Variants in ADCY2 observed in about 807,000 individuals in gnomAD.
The protein encoded by ADCY2 is adenylate cyclase type 2.
A neutral mutation model predicts 125.2 loss-of-function variants in ADCY2; 31 were observed. That is an observed-to-expected ratio of 0.25 (90% CI 0.19 to 0.33). ADCY2 has a LOEUF of 0.33. Among genes scored for constraint, ADCY2 ranks in the 10% least tolerant of loss-of-function variants. The pLI is 1.00. For synonymous variants in ADCY2, 512 were observed against 548.4 expected (o/e 0.93, Z 0.93); for missense variants, 904 against 1,418.2 (o/e 0.64, Z 5.82).
chr5:7,486,423 T>G (rs1742930167), intron 2 of ADCY2, among the ~76,000 whole-genome samples: 1 of 152,234 alleles, frequency 6.6e-6, no homozygotes, highest in African/African-American at 2.4e-5. Context: ...TTCTCCAAGT[T>G]ATTTTTAACA....
intron 3 of ADCY2, among the ~76,000 whole-genome samples, chr5:7,544,013 CAAAAAAA>C (rs57983443): frequency 2.8e-5 from 2 of 70,696 alleles, no homozygotes; most frequent in African/African-American, 1.2e-4. Flanking sequence ...GACTCCGTCT[CAAAAAAA>C]AAAAAAAAAA....
At chr5:7,482,324 A>G (rs1345737394) in intron 2 of ADCY2, among the ~76,000 whole-genome samples, 7 of 151,992 alleles carry the variant, frequency 4.6e-5, no homozygotes, top group Admixed American at 4.6e-4. Flanking sequence ...TTCTTTTTGT[A>G]TTCTGGATAT....
chr5:7,811,524 G>A (rs1190067916), intron 22 of ADCY2, among the ~76,000 whole-genome samples: 1 of 151,546 alleles, frequency 6.6e-6, no homozygotes, highest in Non-Finnish European at 1.5e-5. Flanking sequence ...AAAAAAATCT[G>A]TGTTTTTGCT....
chr5:7,808,809 G>C (rs549750182), intron 22 of ADCY2, among the ~76,000 whole-genome samples: 1 of 152,158 alleles, frequency 6.6e-6, no homozygotes, highest in Non-Finnish European at 1.5e-5. Flanking sequence ...CCCTTGCCAG[G>C]AGCCCCATTC....
rs59436276 is a variant in ADCY2, at chr5:7,446,537, AATACATACATACATAC to A, written c.408+31799_408+31814del. Among the ~76,000 whole-genome samples, 38 of 150,838 alleles carry A rather than the reference AATACATACATACATAC, an allele frequency of 2.5e-4. No homozygotes were observed. The East Asian group carries it at 4.5e-3, about 18-fold the overall frequency. On this transcript the variant is annotated intron_variant, in intron 2 of 24. Coordinates refer to ENST00000338316, the MANE Select transcript of ADCY2 (RefSeq NM_020546.3). ...AGAGCAAGACCTTGTCTCTGAAATAAATACATACATACATACATACATACATACATACATACATACA... is the reference window on the plus strand; with the variant it reads ...AGAGCAAGACCTTGTCTCTGAAATAAATACATACATACATACATACATACA...
chr5:7,581,843 AAAAAG>A (rs1235415393), intron 3 of ADCY2, among the ~76,000 whole-genome samples: 13 of 151,816 alleles, frequency 8.6e-5, no homozygotes, highest in Admixed American at 1.3e-4. Flanking sequence ...AAAGAAAAAG[AAAAAG>A]AAAAGAAAAG....
At chr5:7,677,126 A>C (rs990376986) in intron 4 of ADCY2, among the ~76,000 whole-genome samples, 6 of 151,934 alleles carry the variant, frequency 3.9e-5, no homozygotes, top group South Asian at 4.2e-4. Flanking sequence ...AAAATACAAA[A>C]AGTTAGCAGG....
At chr5:7,473,613 A>G (rs1742418812) in intron 2 of ADCY2, among the ~76,000 whole-genome samples, 1 of 152,176 alleles carries the variant, frequency 6.6e-6, no homozygotes, top group South Asian at 2.1e-4. Context: ...CCTTTCTCCC[A>G]GGTGTAGTAG....
chr5:7,533,439 A>G lies in ADCY2; in HGVS notation c.570+12540A>G, dbSNP rs368605944. Among the ~76,000 whole-genome samples, 5 of 151,806 alleles carry G rather than the reference A, an allele frequency of 3.3e-5. No homozygotes were observed. In the East Asian group the frequency reaches 7.7e-4, roughly 24 times the overall value. On this transcript the variant is annotated intron_variant, in intron 3 of 24. Transcript: ENST00000338316. ...TATTTCTTCAAGAAATGAATTTGGG[A>G]TATATTTATTATTTTTATTGTTTTA...
intron 2 of ADCY2, among the ~76,000 whole-genome samples, chr5:7,462,220 G>A (rs1486910598): frequency 2.6e-5 from 4 of 152,152 alleles, no homozygotes; most frequent in African/African-American, 7.2e-5. Context: ...GTCTCTTAGT[G>A]CGTCTAACCT....
intron 9 of ADCY2, chr5:7,708,176 A>G (rs1741325400): frequency 5.5e-6 from 1 of 181,588 alleles, no homozygotes; most frequent in South Asian, 1.8e-4. Flanking sequence ...CAGTTGGGAA[A>G]TTAAATAAAG....
chr5:7,512,446 C>G (rs931165020), intron 2 of ADCY2, among the ~76,000 whole-genome samples: 183 of 151,904 alleles, frequency 1.2e-3, no homozygotes, highest in Non-Finnish European at 1.6e-3. Flanking sequence ...TACATGGGCT[C>G]TGGATGTTTT....
chr5:7,459,772 ATTTTTTTTTTT>A (rs3033085), intron 2 of ADCY2, among the ~76,000 whole-genome samples: 43 of 72,862 alleles, frequency 5.9e-4, no homozygotes, highest in African/African-American at 1.8e-3. Context: ...TTAAGAGGTA[ATTTTTTTTTTT>A]TTTTTTTTTT....
intron 22 of ADCY2, among the ~76,000 whole-genome samples, chr5:7,816,641 G>T (rs922994451): frequency 6.6e-6 from 1 of 152,224 alleles, no homozygotes; most frequent in Admixed American, 6.5e-5. Flanking sequence ...GGCCTGAGGG[G>T]GCCTGAGACA....
intron 3 of ADCY2, among the ~76,000 whole-genome samples, chr5:7,610,391 T>A (rs1247652601): frequency 1.3e-5 from 2 of 152,028 alleles, no homozygotes; most frequent in Non-Finnish European, 2.9e-5. Context: ...CAGCTGCTGC[T>A]GAGAGAGCCA....
In ADCY2 at chr5:7,826,922, A is replaced by G. The variant is rs754038177; in HGVS notation, c.*51A>G. The stretch of plus-strand genomic sequence containing the variant: ...GACTGTATTTTCAGGAAGGTATCAC[A>G]CACTTTCTGACTGCAACTTCTGTCC... On this transcript the variant is annotated 3_prime_UTR_variant, in exon 25 of 25. Transcript: ENST00000338316. 1 of 1,551,514 alleles carries G rather than the reference A, an allele frequency of 6.4e-7. No homozygotes were observed. Among genetic ancestry groups the G allele is most frequent in the Non-Finnish European group, 8.7e-7 (1 of 1,150,454 alleles).
chr5:7,512,661 C>T (rs1262233224), intron 2 of ADCY2, among the ~76,000 whole-genome samples: 1 of 152,088 alleles, frequency 6.6e-6, no homozygotes, highest in East Asian at 1.9e-4. Flanking sequence ...GTCATGTCTT[C>T]CTGTAAATAA....
intron 2 of ADCY2, among the ~76,000 whole-genome samples, chr5:7,498,242 T>TG (rs1410691680): frequency 7.6e-6 from 1 of 131,648 alleles, no homozygotes; most frequent in Non-Finnish European, 1.6e-5. Flanking sequence ...TTTTTTCGTT[T>TG]TTTTTTTTTT....
At chr5:7,761,711 G>A (rs935858553) in intron 16 of ADCY2, among the ~76,000 whole-genome samples, 4 of 152,026 alleles carry the variant, frequency 2.6e-5, no homozygotes, top group African/African-American at 9.7e-5. Flanking sequence ...TCTTAAAGAC[G>A]ATATAAATGA....
Sources: gnomAD v4.1 joint callset for allele counts (sites outside exome capture counted in the v4.1 genomes callset) on GRCh38, gnomAD v4.1.1 for gene constraint, MANE v1.5 for transcripts, NCBI Gene and HGNC (gene_info 2026-07-23, HGNC 2026-07-21) for gene names.